TMEM131: variants seen among roughly 807,000 people sequenced by gnomAD.
TMEM131 encodes the protein transmembrane protein 131.
In TMEM131, 66 loss-of-function variants were observed where a neutral mutation model predicts 211.6. The ratio of observed to expected loss-of-function variants is 0.31; its 90% CI spans 0.26 to 0.38. The LOEUF (loss-of-function observed/expected upper bound fraction) is 0.38, where lower values mean the gene tolerates loss of function less well. Ranked by LOEUF, TMEM131 falls within the 10% of genes least tolerant of loss-of-function variation. TMEM131 has a pLI of 1.00. For synonymous variants in TMEM131, 844 were observed against 841.3 expected (o/e 1.00, Z -0.06); for missense variants, 2,036 against 2,299.3 (o/e 0.89, Z 2.34).
At position 97,827,149 on chromosome 2, in the gene TMEM131, T is replaced by C. The variant is rs1040110384; in HGVS notation, c.1074+6216A>G. 5.0e-5 allele frequency: 30 copies of C among 595,042 alleles called. No individual in the cohort carries two copies. The East Asian group carries it at 8.3e-4, about 17-fold the overall frequency. The allele number at this position is 595,042 out of a possible 1,614,324, so 36.9% of individuals were successfully genotyped here. A position where few individuals can be genotyped will look rare whatever the true frequency, so the allele number is the denominator to read the frequency against. ...AAAAGTTTGCTAAAAGTTAACAGTGTTGGGGAGGAGTGGCAGCGGCAAGGC... is the reference window on the plus strand; with the variant it reads ...AAAAGTTTGCTAAAAGTTAACAGTGCTGGGGAGGAGTGGCAGCGGCAAGGC... On this transcript the variant is annotated intron_variant, in intron 11 of 40. Transcript: ENST00000186436.
At chr2:97,790,344 C>T (rs1680444190) in intron 31 of TMEM131, among the ~76,000 whole-genome samples, 1 of 152,116 alleles carries the variant, frequency 6.6e-6, no homozygotes, top group Non-Finnish European at 1.5e-5. Flanking sequence ...AGGCTCCTTC[C>T]TTTTTCCCAA....
At chr2:97,974,361 T>C (rs928669536) in intron 1 of TMEM131, among the ~76,000 whole-genome samples, 13 of 152,060 alleles carry the variant, frequency 8.5e-5, no homozygotes, top group Admixed American at 5.9e-4. Context: ...TCAAGCTGTC[T>C]AATGCCTGCA....
chr2:97,771,209 G>A (rs367977909), intron 33 of TMEM131, among the ~76,000 whole-genome samples: 7 of 152,258 alleles, frequency 4.6e-5, no homozygotes, highest in African/African-American at 9.6e-5. Flanking sequence ...TGCCACAAAA[G>A]AGTAAATTTT....
chr2:97,944,935 C>T lies in TMEM131; in HGVS notation c.188-17448G>A, dbSNP rs750770245. On this transcript the variant is annotated intron_variant, in intron 1 of 40. Coordinates refer to ENST00000186436, the MANE Select transcript of TMEM131 (RefSeq NM_015348.2). ...AAAAACTAAATATAAAGTTACCATA[C>T]AATATACCAATTATACTCTTATGTA... is the stretch of plus-strand genomic sequence containing the variant. Among the ~76,000 whole-genome samples the T allele has an allele frequency of 8.3e-4, 126 of 152,182 alleles. 2 individuals carry two copies. The highest frequency in any genetic ancestry group is 1.3e-3 in the Non-Finnish European group (87 of 67,984).
At chr2:97,993,845 C>G (rs555463005) in intron 1 of TMEM131, among the ~76,000 whole-genome samples, 1 of 152,188 alleles carries the variant, frequency 6.6e-6, no homozygotes, top group East Asian at 1.9e-4. Flanking sequence ...TTAACTTTAC[C>G]CAGAGTAAAG....
Position 97,770,231 on chromosome 2 carries a change from G to A in TMEM131, c.4448+2066C>T, listed in dbSNP as rs140534620. ...TCTGTTCAGAAAGCCAACCTTCTCC[G>A]GTTATTAAAAAAACCAGTCTTTATT... On this transcript the variant is annotated intron_variant, in intron 33 of 40. Coordinates refer to ENST00000186436, the MANE Select transcript of TMEM131 (RefSeq NM_015348.2). 1.9e-3 allele frequency among the ~76,000 whole-genome samples: 294 copies of A among 151,982 alleles called. 1 individual carries two copies. The highest frequency in any genetic ancestry group is 2.8e-3 in the Admixed American group (43 of 15,270).
Position 97,792,684 on chromosome 2 carries a change from C to G in TMEM131, c.3846G>C (p.Gly1282=), listed in dbSNP as rs747939131. 1 of 1,614,008 alleles carries G rather than the reference C, an allele frequency of 6.2e-7. No homozygotes were observed. The highest frequency in any genetic ancestry group is 1.1e-5 in the South Asian group (1 of 91,080). Reference sequence around the variant, plus strand: ...GGCTGCCGTGCTGGCTCTGCTTTGCCCCTTTGGACTTTCTGCCCGCTGTAT... The same window carrying G: ...GGCTGCCGTGCTGGCTCTGCTTTGCGCCTTTGGACTTTCTGCCCGCTGTAT... ...QGHTAGRKSK[G]AKQSQHGSQH... is the part of the protein sequence containing the mutation. The change falls in exon 31 of 41, where the codon GGG becomes GGC. Residue 1282 remains glycine, a synonymous_variant. Coordinates refer to ENST00000186436, the MANE Select transcript of TMEM131 (RefSeq NM_015348.2).
chr2:97,940,774 A>T (rs1259262033), intron 1 of TMEM131, among the ~76,000 whole-genome samples: 2 of 150,126 alleles, frequency 1.3e-5, no homozygotes, highest in African/African-American at 4.9e-5. Context: ...GTGGCACTGC[A>T]CTCCAGCCTG....
chr2:97,929,357 T>C (rs1190251668), intron 1 of TMEM131, among the ~76,000 whole-genome samples: 1 of 151,772 alleles, frequency 6.6e-6, no homozygotes, highest in Non-Finnish European at 1.5e-5. Flanking sequence ...AATTGCTGAA[T>C]AAATGGGAGA....
intron 4 of TMEM131, among the ~76,000 whole-genome samples, chr2:97,870,728 A>C (rs1674456427): frequency 6.6e-6 from 1 of 152,210 alleles, no homozygotes; most frequent in Non-Finnish European, 1.5e-5. Flanking sequence ...GACCTTATGA[A>C]TGACAGTGAC....
chr2:97,922,147 T>C (rs549858567), intron 2 of TMEM131, among the ~76,000 whole-genome samples: 25 of 152,184 alleles, frequency 1.6e-4, no homozygotes, highest in Non-Finnish European at 3.4e-4. Context: ...TAGATTCTCC[T>C]AAGGCACGCG....
chr2:97,848,714 G>GA (rs981123387), intron 5 of TMEM131, among the ~76,000 whole-genome samples: 100 of 148,858 alleles, frequency 6.7e-4, no homozygotes, highest in African/African-American at 2.3e-3. Flanking sequence ...GTACTTCTAG[G>GA]AAAAAAAAAG....
intron 1 of TMEM131, among the ~76,000 whole-genome samples, chr2:97,956,195 G>C (rs1024048251): frequency 6.6e-6 from 1 of 152,116 alleles, no homozygotes; most frequent in African/African-American, 2.4e-5. Context: ...CAGAAAGAGA[G>C]CCACACAAAT....
chr2:97,766,274 A>G lies in TMEM131; in HGVS notation c.4574-11T>C, dbSNP rs1178456559. 1 of 1,613,890 alleles carries G rather than the reference A, an allele frequency of 6.2e-7. No homozygotes were observed. The highest frequency in any genetic ancestry group is 1.3e-5 in the African/African-American group (1 of 74,936). On this transcript the variant is annotated splice_polypyrimidine_tract_variant and intron_variant, in intron 34 of 40. Transcript: ENST00000186436. The stretch of plus-strand genomic sequence containing the variant: ...CTAACTTACTTGTACCTGCACAAAA[A>G]TCAGAAAAGAACATGGTTAATGGAG...
At chr2:97,881,600 A>C (rs1203625568) in intron 4 of TMEM131, among the ~76,000 whole-genome samples, 1 of 150,976 alleles carries the variant, frequency 6.6e-6, no homozygotes, top group Non-Finnish European at 1.5e-5. Context: ...GGTCACACTC[A>C]CCCTTGAACA....
At chr2:97,772,171 C>G in intron 33 of TMEM131, 126 bp downstream of exon 33, 1 of 1,094,728 alleles carries the variant, frequency 9.1e-7, no homozygotes. Flanking sequence ...GACGTAGCAC[C>G]TGGATTTTGC....
chr2:97,890,466 T>TAC (rs1290912006), intron 3 of TMEM131, among the ~76,000 whole-genome samples: 23 of 152,220 alleles, frequency 1.5e-4, no homozygotes, highest in Non-Finnish European at 2.9e-5. Context: ...TTTCACTGGA[T>TAC]ACACAGTCAT....
intron 11 of TMEM131, among the ~76,000 whole-genome samples, chr2:97,827,068 C>CAAAAAA (rs66841026): frequency 6.4e-5 from 6 of 93,672 alleles, no homozygotes; most frequent in African/African-American, 8.2e-5. Flanking sequence ...AAGTGATAAG[C>CAAAAAA]AAAAAAAAAA....
At chr2:97,800,483 C>T (rs1382170631) in intron 25 of TMEM131, among the ~76,000 whole-genome samples, 1 of 151,942 alleles carries the variant, frequency 6.6e-6, no homozygotes, top group Non-Finnish European at 1.5e-5. Flanking sequence ...GGCACTGTGG[C>T]TCACGCCTGT....
Sources: allele counts gnomAD v4.1 joint callset (sites outside exome capture counted in the v4.1 genomes callset), GRCh38; gene constraint gnomAD v4.1.1; transcripts MANE v1.5; gene names NCBI Gene and HGNC (gene_info 2026-07-23, HGNC 2026-07-21).